The following FAM186A variants were observed in gnomAD, a reference collection of about 807,000 sequenced individuals.
FAM186A encodes the protein protein FAM186A.
FAM186A carries 163 observed loss-of-function variants against 216.8 expected under a neutral mutation model. The observed-to-expected ratio is 0.75, with a 90% confidence interval of 0.66 to 0.86. The LOEUF (loss-of-function observed/expected upper bound fraction) is 0.86, where lower values mean the gene tolerates loss of function less well. Among genes scored for constraint, FAM186A ranks in the 40% least tolerant of loss-of-function variants. FAM186A has a pLI of 0.00. For synonymous variants in FAM186A, 805 were observed against 1,025.3 expected (o/e 0.79, Z 4.10); for missense variants, 2,184 against 2,746.2 (o/e 0.80, Z 4.58).
intron 1 of FAM186A, among the ~76,000 whole-genome samples, chr12:50,370,795 T>A (rs1943136307): frequency 6.6e-6 from 1 of 151,828 alleles, no homozygotes. Flanking sequence ...TGGTATATAT[T>A]TATATATATA....
chr12:50,351,398 G>A lies in FAM186A; in HGVS notation c.5434C>T (p.Gln1812Ter). ...LVYGGQSTSA[Q>*]FPAPQAPPSP... is the part of the protein sequence containing the mutation. ...GGAGGGGCCTGTGGTGCCGGGAACT[G>A]CGCAGAAGTGGATTGACCTCCGTAT... Residue 1812 changes from glutamine (Q) to a stop codon, truncating the protein, a stop_gained, in exon 4 of 8, where the codon CAG becomes TAG. Coordinates refer to ENST00000327337, the MANE Select transcript of FAM186A (RefSeq NM_001145475.3). LOFTEE classifies it high-confidence loss of function. 6.8e-7 allele frequency: 1 copy of A among 1,468,856 alleles called. No individual in the cohort carries two copies. Among genetic ancestry groups the A allele is most frequent in the Non-Finnish European group, 9.0e-7 (1 of 1,111,396 alleles). 91.0% of individuals were successfully genotyped at this position (1,468,856 alleles called of 1,614,324 possible). A position where few individuals can be genotyped will look rare whatever the true frequency, so the allele number is the denominator to read the frequency against.
chr12:50,351,572 C>T lies in FAM186A; in HGVS notation c.5260G>A (p.Gly1754Arg), dbSNP rs1310391438. The T allele has an allele frequency of 9.7e-6, 15 of 1,550,002 alleles. No individual in the cohort carries two copies. In the East Asian group the frequency reaches 3.2e-4, roughly 33 times the overall value. The change falls in exon 4 of 8, where the codon GGG becomes AGG. Residue 1754 changes from glycine (G) to arginine (R), a missense_variant. Around this residue, in one of 7 missense-constraint regions of FAM186A, gnomAD observed 721 missense variants for 816.4 expected, o/e 0.88. Transcript: ENST00000327337. ...APTAEKSSIF[G>R]VSSTPLQISR... is the part of the protein sequence containing the mutation. ...ATCTGCAAAGGAGTAGAAGAGACCC[C>T]GAATATAGAGGACTTCTCAGCAGTA... is the stretch of plus-strand genomic sequence containing the variant.
intron 1 of FAM186A, 58 bp downstream of exon 1, chr12:50,396,235 G>T: frequency 7.1e-7 from 1 of 1,400,096 alleles, no homozygotes; most frequent in South Asian, 1.6e-5. Context: ...AAATGTACTT[G>T]GTCACAGAAA....
At chr12:50,378,199 C>T (rs1290128972) in intron 1 of FAM186A, among the ~76,000 whole-genome samples, 3 of 145,718 alleles carry the variant, frequency 2.1e-5, no homozygotes, top group South Asian at 4.5e-4. Context: ...ACTCCAGCCT[C>T]GACAACAAGA....
At position 50,355,927 on chromosome 12, in the gene FAM186A, G is replaced by A. The variant is rs1420667861; in HGVS notation, c.905C>T (p.Ser302Phe). Residue 302 changes from serine to phenylalanine, a missense_variant, in exon 4 of 8, where the codon TCT (serine) becomes TTT (phenylalanine). Around this residue, in one of 7 missense-constraint regions of FAM186A, gnomAD observed 1,132 missense variants for 1,263.4 expected, o/e 0.90. Coordinates refer to ENST00000327337, the MANE Select transcript of FAM186A (RefSeq NM_001145475.3). ...HETSEAEKEL[S>F]LKIIRDLSNE... ...ACTGAGATCTCGTATTATCTTCAGA[G>A]AGAGCTCCTTTTCTGCTTCACTTGT... 5.2e-6 allele frequency: 8 copies of A among 1,551,412 alleles called. No individual in the cohort carries two copies. The highest frequency in any genetic ancestry group is 7.0e-6 in the Non-Finnish European group (8 of 1,146,980).
chr12:50,363,831 T>C (rs1408993362), intron 1 of FAM186A, among the ~76,000 whole-genome samples: 1 of 152,196 alleles, frequency 6.6e-6, no homozygotes, highest in South Asian at 2.1e-4. Context: ...TTTTCCTTTC[T>C]TACCTGGAAA....
Position 50,351,637 on chromosome 12 carries a change from A to G in FAM186A, c.5195T>C (p.Leu1732Ser), listed in dbSNP as rs1161917301. ...LPTGQSIISR[L>S]SPSLRLSLAS... Reference sequence around the variant, plus strand: ...CAGGGACAGCCTAAGACTTGGAGACAATCTTGATATGATGGATTGCCCAGT... The same window carrying G: ...CAGGGACAGCCTAAGACTTGGAGACGATCTTGATATGATGGATTGCCCAGT... The change falls in exon 4 of 8, where the codon TTG (leucine) becomes TCG (serine). Residue 1732 changes from leucine (L) to serine (S), a missense_variant. Leu to Ser is a moderately radical substitution (Grantham distance 145). Coordinates refer to ENST00000327337, the MANE Select transcript of FAM186A (RefSeq NM_001145475.3). 5 of 1,551,548 alleles carry G rather than the reference A, an allele frequency of 3.2e-6. No homozygotes were observed. The highest frequency in any genetic ancestry group is 4.4e-6 in the Non-Finnish European group (5 of 1,146,874).
intron 1 of FAM186A, among the ~76,000 whole-genome samples, chr12:50,393,396 G>T (rs1271702338): frequency 1.3e-5 from 2 of 151,586 alleles, no homozygotes; most frequent in Admixed American, 6.6e-5. Flanking sequence ...AATCAACCGG[G>T]CATGACGGCG....
In FAM186A at chr12:50,351,002, G is replaced by A. The variant is rs1222183060; in HGVS notation, c.5830C>T (p.Gln1944Ter). Residue 1944 changes from glutamine to a stop codon, truncating the protein, a stop_gained, in exon 4 of 8, where the codon CAG (glutamine) becomes TAG (stop). Coordinates refer to ENST00000327337, the MANE Select transcript of FAM186A (RefSeq NM_001145475.3). LOFTEE classifies it high-confidence loss of function. The part of the protein sequence containing the change: ...LWPSPAPGKP[Q>*]KSWSPSVAKK... ...GCAACAGAAGGGGACCAACTTTTCT[G>A]GGGCTTTCCAGGGGCTGGGGACGGC... 1 of 1,551,490 alleles carries A rather than the reference G, an allele frequency of 6.4e-7. No homozygotes were observed. Among genetic ancestry groups the A allele is most frequent in the Admixed American group, 2.0e-5 (1 of 50,968 alleles).
chr12:50,355,346 G>T lies in FAM186A; in HGVS notation c.1486C>A (p.Leu496Ile). 6.4e-7 allele frequency: 1 copy of T among 1,550,948 alleles called. No individual in the cohort carries two copies. Among genetic ancestry groups the T allele is most frequent in the East Asian group, 2.4e-5 (1 of 40,920 alleles). Residue 496 changes from leucine (L) to isoleucine (I), a missense_variant, in exon 4 of 8, where the codon CTA becomes ATA. Transcript: ENST00000327337. ...SEAKPSQYYE[L>I]QVLKKKRKEM... ...TTTCTTTTCTTTTTCAGTACTTGTAGCTCATAGTATTGACTAGGTTTGGCC... is the reference window on the plus strand; with the variant it reads ...TTTCTTTTCTTTTTCAGTACTTGTATCTCATAGTATTGACTAGGTTTGGCC...
intron 1 of FAM186A, among the ~76,000 whole-genome samples, chr12:50,383,199 G>C (rs1274426011): frequency 7.6e-6 from 1 of 130,874 alleles, no homozygotes; most frequent in Non-Finnish European, 1.5e-5. Context: ...GCAGTGACCT[G>C]AGATTGCAGC....
intron 1 of FAM186A, among the ~76,000 whole-genome samples, chr12:50,394,732 C>CTTTTTTTTTTTATTTT (rs1943396431): frequency 3.4e-5 from 1 of 29,386 alleles, no homozygotes; most frequent in Non-Finnish European, 5.6e-5. Flanking sequence ...GGCTAACACT[C>CTTTTTTTTTTTATTTT]TTTTTTTTTT....
rs1283942705 is a variant in FAM186A, at chr12:50,352,761, C to T, written c.4071G>A (p.Gln1357=). The T allele has an allele frequency of 1.3e-6, 2 of 1,542,800 alleles. No homozygotes were observed. The highest frequency in any genetic ancestry group is 3.4e-4 in the Middle Eastern group (2 of 5,946). ...LGMPLTTQQA[Q]ELGIPLTPQH... is the part of the protein sequence containing the mutation. ...GAGGGGTGAGAGGGATCCCCAGTTC[C>T]TGAGCCTGCTGAGTGGTGAGAGGCA... is the stretch of plus-strand genomic sequence containing the variant. Residue 1357 remains glutamine (Q), a synonymous_variant, in exon 4 of 8, where the codon CAG becomes CAA. Transcript: ENST00000327337.
intron 4 of FAM186A, among the ~76,000 whole-genome samples, chr12:50,347,915 G>A (rs1471767711): frequency 1.3e-5 from 2 of 151,014 alleles, no homozygotes; most frequent in Non-Finnish European, 2.9e-5. Context: ...TTTTTTTGTT[G>A]TTTTTTTGAG....
chr12:50,390,878 C>T (rs759177063), intron 1 of FAM186A, among the ~76,000 whole-genome samples: 26 of 152,106 alleles, frequency 1.7e-4, no homozygotes, highest in Non-Finnish European at 2.6e-4. Flanking sequence ...TTTGTAGAAA[C>T]AGGGTCTCGC....
rs116959343 is a variant in FAM186A at position 50,347,306 on chromosome 12, C to T, written c.6503+3023G>A. The stretch of plus-strand genomic sequence containing the variant: ...AAAGACAAGCTCAGCACAGAAATAA[C>T]GTATCAATTCTGCTCACATCTCATT... On this transcript the variant is annotated intron_variant, in intron 4 of 7. Transcript: ENST00000327337. Among the ~76,000 whole-genome samples, 22 of 152,270 alleles carry T rather than the reference C, an allele frequency of 1.4e-4. No homozygotes were observed. The East Asian group carries it at 1.5e-3, about 11-fold the overall frequency.
intron 3 of FAM186A, among the ~76,000 whole-genome samples, chr12:50,356,545 A>G (rs766916184): frequency 6.6e-6 from 1 of 152,144 alleles, no homozygotes; most frequent in Admixed American, 6.6e-5. Context: ...GGCTCAAACA[A>G]TCCACCCACC....
intron 4 of FAM186A, among the ~76,000 whole-genome samples, chr12:50,342,562 C>T (rs1942774597): frequency 1.3e-5 from 2 of 151,068 alleles, no homozygotes; most frequent in South Asian, 2.1e-4. Context: ...GCAACCTCTG[C>T]CTCCTGGGTT....
intron 4 of FAM186A, among the ~76,000 whole-genome samples, chr12:50,338,069 G>A (rs141824665): frequency 1.1e-3 from 160 of 152,088 alleles, no homozygotes; most frequent in African/African-American, 2.9e-3. Flanking sequence ...ACATTGCCCC[G>A]TCCTAAGGAA....
Sources: allele counts gnomAD v4.1 joint callset (sites outside exome capture counted in the v4.1 genomes callset), GRCh38; gene constraint gnomAD v4.1.1; regional missense constraint gnomAD v4.1.1; transcripts MANE v1.5; gene names NCBI Gene and HGNC (gene_info 2026-07-23, HGNC 2026-07-21).